Variants in EPHA6 observed in about 807,000 individuals in gnomAD.
EPHA6 encodes EPH receptor A6.
Under a neutral mutation model 112.0 loss-of-function variants are expected in EPHA6, and 50 were observed. That is an observed-to-expected ratio of 0.45 (90% confidence interval 0.36 to 0.56). The LOEUF is 0.56. Among genes scored for constraint, EPHA6 ranks in the 20% least tolerant of loss-of-function variants. The pLI is 0.00. For missense variants in EPHA6, 1,280 were observed against 1,417.4 expected (o/e 0.90, Z 1.56); for synonymous variants, 529 against 490.7 (o/e 1.08, Z -1.03).
chr3:96,940,483 T>C (rs1271759480), intron 2 of EPHA6, among the ~76,000 whole-genome samples: 1 of 152,200 alleles, frequency 6.6e-6, no homozygotes, highest in African/African-American at 2.4e-5. Context: ...CTTTTGAGCC[T>C]GTGTGTTTCT....
intron 3 of EPHA6, among the ~76,000 whole-genome samples, chr3:97,202,639 T>C (rs1576673970): frequency 6.6e-6 from 1 of 152,098 alleles, no homozygotes; most frequent in South Asian, 2.1e-4. Flanking sequence ...TGGCCAGATA[T>C]ATGTCTTCTT....
intron 3 of EPHA6, among the ~76,000 whole-genome samples, chr3:97,038,804 A>G (rs1559686788): frequency 6.9e-6 from 1 of 144,746 alleles, no homozygotes; most frequent in African/African-American, 2.9e-5. Flanking sequence ...GTCGGGGGGA[A>G]ATGTTCCACC....
intron 3 of EPHA6, among the ~76,000 whole-genome samples, chr3:97,087,921 C>T (rs564667181): frequency 1.3e-5 from 2 of 152,214 alleles, no homozygotes; most frequent in Admixed American, 1.3e-4. Flanking sequence ...CAGTGGCTCA[C>T]GCCTGTAATC....
At chr3:97,418,321 A>G (rs1472532047) in intron 6 of EPHA6, among the ~76,000 whole-genome samples, 1 of 152,054 alleles carries the variant, frequency 6.6e-6, no homozygotes, top group African/African-American at 2.4e-5. Context: ...AGCATACAAT[A>G]CTTATATGAA....
chr3:97,675,827 C>T (rs2031323925), intron 14 of EPHA6, among the ~76,000 whole-genome samples: 1 of 152,022 alleles, frequency 6.6e-6, no homozygotes, highest in East Asian at 1.9e-4. Flanking sequence ...GAATGATTGC[C>T]TTTTGCAAAT....
intron 10 of EPHA6, among the ~76,000 whole-genome samples, chr3:97,490,051 A>G (rs1336906774): frequency 2.6e-5 from 4 of 152,158 alleles, no homozygotes; most frequent in African/African-American, 9.7e-5. Flanking sequence ...TTGCCTCATC[A>G]TAGTCATTGT....
intron 3 of EPHA6, among the ~76,000 whole-genome samples, chr3:97,160,920 T>C (rs144972462): frequency 7.5e-4 from 114 of 152,258 alleles, no homozygotes; most frequent in African/African-American, 2.6e-3. Context: ...ACCAGGCTTT[T>C]CTTTTGTTTC....
At chr3:97,630,649 C>T (rs1432963937) in intron 13 of EPHA6, among the ~76,000 whole-genome samples, 3 of 151,840 alleles carry the variant, frequency 2.0e-5, no homozygotes, top group Admixed American at 1.3e-4. Flanking sequence ...TTCTGAAGTC[C>T]CTGGGCAGAC....
At chr3:97,356,806 G>T (rs1196798804) in intron 5 of EPHA6, among the ~76,000 whole-genome samples, 2 of 152,082 alleles carry the variant, frequency 1.3e-5, no homozygotes, top group Non-Finnish European at 2.9e-5. Context: ...GATCTAGTAG[G>T]TTCATTGTGG....
At chr3:97,140,348 G>T (rs2075868241) in intron 3 of EPHA6, among the ~76,000 whole-genome samples, 2 of 152,088 alleles carry the variant, frequency 1.3e-5, no homozygotes, top group Non-Finnish European at 2.9e-5. Flanking sequence ...GCATATGGAA[G>T]ATACTTTATA....
At chr3:97,335,443 A>C (rs1175350865) in intron 5 of EPHA6, among the ~76,000 whole-genome samples, 1 of 152,216 alleles carries the variant, frequency 6.6e-6, no homozygotes, top group Non-Finnish European at 1.5e-5. Context: ...GAACTAAGAC[A>C]TCTACCAATA....
chr3:97,421,537 A>G (rs2088628475), intron 6 of EPHA6, among the ~76,000 whole-genome samples: 1 of 152,194 alleles, frequency 6.6e-6, no homozygotes. Context: ...AAAGCTTATC[A>G]TAGAAAGATC....
At chr3:96,875,568 A>G (rs1333998752) in intron 2 of EPHA6, among the ~76,000 whole-genome samples, 1 of 152,156 alleles carries the variant, frequency 6.6e-6, no homozygotes, top group Non-Finnish European at 1.5e-5. Context: ...TTAATAAATC[A>G]GATGTGAAGT....
chr3:97,297,175 G>T (rs576793654), intron 5 of EPHA6, among the ~76,000 whole-genome samples: 1 of 152,152 alleles, frequency 6.6e-6, no homozygotes, highest in African/African-American at 2.4e-5. Context: ...GGACTTCTGG[G>T]GATCTCTCAC....
chr3:96,829,131 T>G (rs2107262591), intron 1 of EPHA6, among the ~76,000 whole-genome samples: 1 of 152,240 alleles, frequency 6.6e-6, no homozygotes, highest in South Asian at 2.1e-4. Flanking sequence ...CACTTCATAC[T>G]TTATCTTAGA....
At chr3:96,898,951 C>T (rs1374952065) in intron 2 of EPHA6, among the ~76,000 whole-genome samples, 1 of 151,468 alleles carries the variant, frequency 6.6e-6, no homozygotes. Flanking sequence ...TGGCGTGAAC[C>T]CGGGAGGCGG....
chr3:97,038,644 T>C (rs774603324), intron 3 of EPHA6, among the ~76,000 whole-genome samples: 5 of 152,092 alleles, frequency 3.3e-5, no homozygotes, highest in Non-Finnish European at 7.4e-5. Flanking sequence ...TCCCCCTTTG[T>C]CTCTGGCTGT....
intron 14 of EPHA6, among the ~76,000 whole-genome samples, chr3:97,687,281 G>T (rs1325558552): frequency 2.6e-5 from 4 of 152,026 alleles, no homozygotes; most frequent in African/African-American, 9.7e-5. Flanking sequence ...TTTGTGCTAT[G>T]TTACAGCAAC....
chr3:97,249,766 C>T (rs879742573), intron 5 of EPHA6, among the ~76,000 whole-genome samples: 1 of 152,090 alleles, frequency 6.6e-6, no homozygotes, highest in South Asian at 2.1e-4. Flanking sequence ...AAATCTCTAC[C>T]CACTGCATTA....
Sources: gnomAD v4.1 joint callset for allele counts (sites outside exome capture counted in the v4.1 genomes callset) on GRCh38, gnomAD v4.1.1 for gene constraint, MANE v1.5 for transcripts, NCBI Gene and HGNC (gene_info 2026-07-23, HGNC 2026-07-21) for gene names.